Variants in FGF3 observed in about 807,000 individuals in gnomAD.
The protein encoded by FGF3 is FGF-3.
FGF3 carries 7 observed loss-of-function variants against 9.8 expected under a neutral mutation model. The observed-to-expected ratio is 0.72, with a 90% confidence interval of 0.41 to 1.35. FGF3 has a LOEUF of 1.35. FGF3 is among the 40% of genes most tolerant of loss of function. The pLI, the probability that FGF3 is intolerant of heterozygous loss-of-function variation, is 0.01. For synonymous variants in FGF3, 173 were observed against 157.2 expected, an observed-to-expected ratio of 1.10 and a Z score of -0.75; for missense variants, 390 against 345.6, an observed-to-expected ratio of 1.13 and a Z score of -1.02.
intron 2 of FGF3, among the ~76,000 whole-genome samples, chr11:69,814,151 G>A (rs1554980831): frequency 6.6e-6 from 1 of 152,058 alleles, no homozygotes; most frequent in Non-Finnish European, 1.5e-5. Flanking sequence ...AAGGAAGATG[G>A]ATGGATGGCT....
At chr11:69,815,691 C>G (rs1486429371) in intron 2 of FGF3, among the ~76,000 whole-genome samples, 2 of 152,070 alleles carry the variant, frequency 1.3e-5, no homozygotes, top group African/African-American at 4.8e-5. Context: ...CTGTGTATTC[C>G]CCACCCCTAC....
chr11:69,815,093 G>C (rs1197439036), intron 2 of FGF3, among the ~76,000 whole-genome samples: 1 of 144,228 alleles, frequency 6.9e-6, no homozygotes, highest in Non-Finnish European at 1.5e-5. Context: ...GTGGATGAGT[G>C]GATGGGTGGA....
chr11:69,816,260 T>G lies in FGF3; in HGVS notation c.324+60A>C, dbSNP rs1856130710. On this transcript the variant is annotated intron_variant, in intron 2 of 2. Transcript: ENST00000334134. Reference sequence around the variant, plus strand: ...TGCCCACATCCCCCGTCCCCTGGCTTGATGTGCAGGCCAGACCGCTACTCC... The same window carrying G: ...TGCCCACATCCCCCGTCCCCTGGCTGGATGTGCAGGCCAGACCGCTACTCC... 2.3e-6 allele frequency: 3 copies of G among 1,301,912 alleles called. No individual in the cohort carries two copies. In the Admixed American group the frequency reaches 5.0e-5, roughly 22 times the overall value. The allele number at this position is 1,301,912 out of a possible 1,614,324, so 80.6% of individuals were successfully genotyped here.
chr11:69,810,800 C>A, intron 2 of FGF3, 100 bp from the exon 3 acceptor site: 1 of 1,099,446 alleles, frequency 9.1e-7, no homozygotes, highest in South Asian at 1.8e-5. Context: ...TGAGGCTGTT[C>A]GGTCCAGTGC....
At chr11:69,818,132 T>C (rs984038223) in intron 1 of FGF3, among the ~76,000 whole-genome samples, 17 of 151,952 alleles carry the variant, frequency 1.1e-4, no homozygotes, top group Middle Eastern at 3.4e-3. Flanking sequence ...GGAACCGAGC[T>C]CCGCAGGGCA....
Position 69,810,429 on chromosome 11 carries a change from G to A in FGF3, c.596C>T (p.Pro199Leu). 6.3e-7 allele frequency: 1 copy of A among 1,587,470 alleles called. No individual in the cohort carries two copies. The highest frequency in any genetic ancestry group is 8.6e-7 in the Non-Finnish European group (1 of 1,166,146). Residue 199 changes from proline (P) to leucine (L), a missense_variant, in exon 3 of 3, where the codon CCC becomes CTC. Coordinates refer to ENST00000334134, the MANE Select transcript of FGF3 (RefSeq NM_005247.4). ...EMVRQLQSGL[P>L]RPPGKGVQPR... Reference sequence around the variant, plus strand: ...CTGGACCCCCTTACCAGGGGGTCTGGGCAGCCCACTCTGTAGCTGCCGCAC... The same window carrying A: ...CTGGACCCCCTTACCAGGGGGTCTGAGCAGCCCACTCTGTAGCTGCCGCAC...
rs1161653782 is a variant in FGF3 at position 69,818,832 on chromosome 11, G to T, written c.102C>A (p.Gly34=). ...GCGCCCCGCCAAGGTGCTCGTAGAC[G>T]CCGCCACGGCCGCCCGCATCGCGCC... ...RLRRDAGGRG[G]VYEHLGGAPR... The change falls in exon 1 of 3, where the codon GGC becomes GGA. Residue 34 remains glycine, a synonymous_variant. Transcript: ENST00000334134. 6.0e-5 allele frequency: 89 copies of T among 1,478,294 alleles called. No individual in the cohort carries two copies. Among genetic ancestry groups the T allele is most frequent in the Non-Finnish European group, 7.8e-5 (88 of 1,121,200 alleles). 91.6% of individuals were successfully genotyped at this position (1,478,294 alleles called of 1,614,324 possible).
intron 2 of FGF3, among the ~76,000 whole-genome samples, chr11:69,815,803 C>T (rs1856122423): frequency 6.6e-6 from 1 of 152,148 alleles, no homozygotes; most frequent in Non-Finnish European, 1.5e-5. Context: ...AGCCAGGGCT[C>T]CAAGGCTCCT....
intron 2 of FGF3, among the ~76,000 whole-genome samples, chr11:69,811,214 G>C (rs1038098447): frequency 1.3e-5 from 2 of 152,120 alleles, no homozygotes; most frequent in Non-Finnish European, 2.9e-5. Context: ...TTGGGAGGCC[G>C]AGGCAGGTGA....
rs782761826 is a variant in FGF3 at position 69,810,484 on chromosome 11, G to A, written c.541C>T (p.Arg181Cys). ...RTQKSSLFLP[R>C]VLDHRDHEMV... ...TCGTGGTCCCTGTGGTCCAGCACGC[G>A]GGGCAGGAACAGGGAGGACTTCTGT... Residue 181 changes from arginine (R) to cysteine (C), a missense_variant, in exon 3 of 3, where the codon CGC (arginine) becomes TGC (cysteine). Physicochemically the swap from Arg to Cys is radical, Grantham distance 180. Transcript: ENST00000334134. The A allele has an allele frequency of 3.3e-5, 53 of 1,607,826 alleles. No individual in the cohort carries two copies. The South Asian group carries it at 5.0e-4, about 15-fold the overall frequency.
chr11:69,818,955 C>G lies in FGF3; in HGVS notation c.-22G>C. The G allele has an allele frequency of 1.5e-6, 2 of 1,302,432 alleles. No individual in the cohort carries two copies. Among genetic ancestry groups the G allele is most frequent in the Non-Finnish European group, 2.0e-6 (2 of 991,982 alleles). The allele number at this position is 1,302,432 out of a possible 1,614,324, so 80.7% of individuals were successfully genotyped here. A position where few individuals can be genotyped will look rare whatever the true frequency, so the allele number is the denominator to read the frequency against. ...CCATCGTGGCATCGCGCCCGCCCCG[C>G]GGCGGCGGCGGCTGCAGGCGAGCGC... On this transcript the variant is annotated 5_prime_UTR_variant, in exon 1 of 3. Transcript: ENST00000334134.
Position 69,813,616 on chromosome 11 carries a change from GTGGATGGATGGATGGA to G in FGF3, c.324+2688_324+2703del, listed in dbSNP as rs1856063922. Among the ~76,000 whole-genome samples the G allele has an allele frequency of 3.3e-4, 16 of 48,044 alleles. 1 individual carries two copies. The highest frequency in any genetic ancestry group is 7.8e-4 in the East Asian group (1 of 1,288). 31.5% of individuals were successfully genotyped at this position (48,044 alleles called of 152,430 possible). The stretch of plus-strand genomic sequence containing the variant: ...GGTGGGTGGATGGATGGATGGATGG[GTGGATGGATGGATGGA>G]TGGATGGGTGGATGGGTGGATGGAT... On this transcript the variant is annotated intron_variant, in intron 2 of 2. Transcript: ENST00000334134.
At position 69,810,528 on chromosome 11, in the gene FGF3, C is replaced by T. The variant is rs2119905252; in HGVS notation, c.497G>A (p.Gly166Asp). 6.2e-7 allele frequency: 1 copy of T among 1,611,276 alleles called. No individual in the cohort carries two copies. Among genetic ancestry groups the T allele is most frequent in the South Asian group, 1.1e-5 (1 of 90,920 alleles). ...SVNGKGRPRR[G>D]FKTRRTQKSS... is the part of the protein sequence containing the mutation. The stretch of plus-strand genomic sequence containing the variant: ...CTTCTGTGTGCGGCGGGTCTTGAAG[C>T]CCCTGCGGGGCCGGCCCTTGCCGTT... The change falls in exon 3 of 3, where the codon GGC becomes GAC. Residue 166 changes from glycine to aspartate, a missense_variant. Transcript: ENST00000334134.
chr11:69,818,597 C>G (rs1376498074), intron 1 of FGF3, 117 bp downstream of exon 1: 3 of 715,882 alleles, frequency 4.2e-6, no homozygotes, highest in Non-Finnish European at 6.1e-6. Flanking sequence ...TGCCTTCTCC[C>G]GGGCCAGACC....
intron 2 of FGF3, among the ~76,000 whole-genome samples, chr11:69,814,502 G>A (rs1323331405): frequency 6.6e-6 from 1 of 152,016 alleles, no homozygotes; most frequent in Non-Finnish European, 1.5e-5. Context: ...GGCCAGACCA[G>A]GAGTGTCAGG....
Position 69,810,227 on chromosome 11 carries a change from T to C in FGF3, c.*78A>G. On this transcript the variant is annotated 3_prime_UTR_variant, in exon 3 of 3. Transcript: ENST00000334134. ...AGACGCGGGACGCAGGGGCAAGGGCTCAAGGAGGAGAGTCAGAGTCAAGAG... is the reference window on the plus strand; with the variant it reads ...AGACGCGGGACGCAGGGGCAAGGGCCCAAGGAGGAGAGTCAGAGTCAAGAG... The C allele has an allele frequency of 1.5e-6, 2 of 1,358,390 alleles. No individual in the cohort carries two copies. The highest frequency in any genetic ancestry group is 2.0e-6 in the Non-Finnish European group (2 of 1,008,632). The allele number at this position is 1,358,390 out of a possible 1,614,324, so 84.1% of individuals were successfully genotyped here. A position where few individuals can be genotyped will look rare whatever the true frequency, so the allele number is the denominator to read the frequency against.
rs1554981450 is a variant in FGF3 at position 69,818,901 on chromosome 11, C to T, written c.33G>A (p.Leu11=). Residue 11 remains leucine, a synonymous_variant, in exon 1 of 3, where the codon CTG becomes CTA. Coordinates refer to ENST00000334134, the MANE Select transcript of FGF3 (RefSeq NM_005247.4). ...CCGCTGCGGGCCAGCCGGGCTCCAG[C>T]AGGCTGAGCAGTAGCAGCCAGATTA... The part of the protein sequence containing the change: MGLIWLLLLS[L]LEPGWPAAGP... 2 of 1,467,716 alleles carry T rather than the reference C, an allele frequency of 1.4e-6. No individual in the cohort carries two copies. The highest frequency in any genetic ancestry group is 1.8e-6 in the Non-Finnish European group (2 of 1,115,542). 90.9% of individuals were successfully genotyped at this position (1,467,716 alleles called of 1,614,324 possible). A position where few individuals can be genotyped will look rare whatever the true frequency, so the allele number is the denominator to read the frequency against.
rs190325005 is a variant in FGF3, at chr11:69,817,035, T to C, written c.221-612A>G. Among the ~76,000 whole-genome samples the C allele has an allele frequency of 4.4e-3, 676 of 152,242 alleles. 4 individuals are homozygous for C. Among genetic ancestry groups the C allele is most frequent in the Middle Eastern group, 0.02 (6 of 294 alleles). The stretch of plus-strand genomic sequence containing the variant: ...GGACCTGGAAGGGCAGGAAGCCAGT[T>C]TAGACCCTGGAGCCCGCAGAGGGAA... On this transcript the variant is annotated intron_variant, in intron 1 of 2. Transcript: ENST00000334134.
In FGF3 at chr11:69,819,343, C is replaced by A. The variant is rs923965349; in HGVS notation, c.-410G>T. 1.3e-5 allele frequency among the ~76,000 whole-genome samples: 2 copies of A among 151,616 alleles called. No homozygotes were observed. The highest frequency in any genetic ancestry group is 4.8e-5 in the African/African-American group (2 of 41,318). ...CCGGGCGCCGTCTGCATACACTCGCCGCCAGCGCACCGCCGTCGAGCCGCG... is the reference window on the plus strand; with the variant it reads ...CCGGGCGCCGTCTGCATACACTCGCAGCCAGCGCACCGCCGTCGAGCCGCG... On this transcript the variant is annotated 5_prime_UTR_variant, in exon 1 of 3. Coordinates refer to ENST00000334134, the MANE Select transcript of FGF3 (RefSeq NM_005247.4).
Sources: gnomAD v4.1 joint callset for allele counts (sites outside exome capture counted in the v4.1 genomes callset) on GRCh38, gnomAD v4.1.1 for gene constraint, MANE v1.5 for transcripts, NCBI Gene and HGNC (gene_info 2026-07-23, HGNC 2026-07-21) for gene names.